ELL2: variants seen among roughly 807,000 people sequenced by gnomAD.
ELL2 encodes the protein RNA polymerase II elongation factor ELL2.
In ELL2, 21 loss-of-function variants were observed where a neutral mutation model predicts 72.8. That is an observed-to-expected ratio of 0.29 (90% confidence interval 0.20 to 0.42). ELL2 has a LOEUF of 0.42. ELL2 is among the 10% of genes least tolerant of loss of function. ELL2 has a pLI of 1.00. For missense variants in ELL2, 568 were observed against 772.8 expected, an observed-to-expected ratio of 0.73 and a Z score of 3.14; for synonymous variants, 266 against 283.2, an observed-to-expected ratio of 0.94 and a Z score of 0.61.
chr5:95,907,296 A>AT lies in ELL2; in HGVS notation c.482-515dup, dbSNP rs1211663802. On this transcript the variant is annotated intron_variant, in intron 4 of 11. Coordinates refer to ENST00000237853, the MANE Select transcript of ELL2 (RefSeq NM_012081.6). ...GTTAGTGATATATATATATATATAT[A>AT]TTTTTTTTTTTTACAGGCCAAGACA... 7.7e-3 allele frequency among the ~76,000 whole-genome samples: 895 copies of AT among 116,490 alleles called. 19 individuals are homozygous for AT. The highest frequency in any genetic ancestry group is 0.027 in the East Asian group (104 of 3,812). The allele number at this position is 116,490 out of a possible 152,430, so 76.4% of individuals were successfully genotyped here. A position where few individuals can be genotyped will look rare whatever the true frequency, so the allele number is the denominator to read the frequency against.
rs751898638 is a variant in ELL2, at chr5:95,942,987, A to G, written c.195+15T>C. ...GAACATTAGATTTGTTTGTTAAATC[A>G]ATAAGAGTACTCACCCCGTGGAGTC... On this transcript the variant is annotated intron_variant, in intron 2 of 11. Coordinates refer to ENST00000237853, the MANE Select transcript of ELL2 (RefSeq NM_012081.6). 1.3e-6 allele frequency: 2 copies of G among 1,567,020 alleles called. No individual in the cohort carries two copies. The highest frequency in any genetic ancestry group is 3.8e-5 in the Admixed American group (2 of 53,284).
intron 8 of ELL2, among the ~76,000 whole-genome samples, chr5:95,896,426 A>C (rs1309460516): frequency 6.6e-6 from 1 of 152,214 alleles, no homozygotes; most frequent in Non-Finnish European, 1.5e-5. Flanking sequence ...TTTATCATTG[A>C]AAGTAGGGTT....
At position 95,888,813 on chromosome 5, in the gene ELL2, T is replaced by C. The variant is rs562499940; in HGVS notation, c.*58A>G. The C allele has an allele frequency of 6.3e-6, 8 of 1,275,178 alleles. No homozygotes were observed. In the South Asian group the frequency reaches 1.1e-4, roughly 18 times the overall value. 79.0% of individuals were successfully genotyped at this position (1,275,178 alleles called of 1,614,324 possible). A position where few individuals can be genotyped will look rare whatever the true frequency, so the allele number is the denominator to read the frequency against. Reference sequence around the variant, plus strand: ...CTTTTTAGAATCTAGAGCAACTCATTTGGAATTTTAAATAAATAAGCTTAA... The same window carrying C: ...CTTTTTAGAATCTAGAGCAACTCATCTGGAATTTTAAATAAATAAGCTTAA... On this transcript the variant is annotated 3_prime_UTR_variant, in exon 12 of 12. Coordinates refer to ENST00000237853, the MANE Select transcript of ELL2 (RefSeq NM_012081.6).
At position 95,912,199 on chromosome 5, in the gene ELL2, AAAAC is replaced by A. The variant is rs573381235; in HGVS notation, c.481+1568_481+1571del. 6.1e-3 allele frequency among the ~76,000 whole-genome samples: 923 copies of A among 152,360 alleles called. 7 individuals carry two copies. Among genetic ancestry groups the A allele is most frequent in the African/African-American group, 0.02 (848 of 41,568 alleles). ...TAAACAAACTGTACTTGACTCTTTG[AAAAC>A]AAACAAAAACACATGAACACAGATG... On this transcript the variant is annotated intron_variant, in intron 4 of 11. Coordinates refer to ENST00000237853, the MANE Select transcript of ELL2 (RefSeq NM_012081.6).
chr5:95,885,640 C>G lies in ELL2; in HGVS notation c.*3231G>C, dbSNP rs1225203718. ...GTCTGAATTGATGGACCACTTTTGT[C>G]TAAAACTAATTTCAACATCTTCCAA... On this transcript the variant is annotated 3_prime_UTR_variant, in exon 12 of 12. Coordinates refer to ENST00000237853, the MANE Select transcript of ELL2 (RefSeq NM_012081.6). 6.6e-6 allele frequency: 1 copy of G among 152,170 alleles called. No homozygotes were observed. Among genetic ancestry groups the G allele is most frequent in the African/African-American group, 2.4e-5 (1 of 41,436 alleles). The allele number at this position is 152,170 out of a possible 1,614,324, so 9.4% of individuals were successfully genotyped here.
intron 3 of ELL2, among the ~76,000 whole-genome samples, chr5:95,917,868 A>T (rs541987942): frequency 6.6e-6 from 1 of 152,232 alleles, no homozygotes; most frequent in South Asian, 2.1e-4. Flanking sequence ...GCTCCTTAAT[A>T]AAATTCCTAA....
chr5:95,901,918 G>A (rs1049946237), intron 5 of ELL2, among the ~76,000 whole-genome samples: 1 of 152,194 alleles, frequency 6.6e-6, no homozygotes, highest in Admixed American at 6.5e-5. Flanking sequence ...GTCTCATCAC[G>A]TTTCTCAGAA....
In ELL2 at chr5:95,961,781, G is replaced by C; in HGVS notation, c.-60C>G. 1 of 1,501,822 alleles carries C rather than the reference G, an allele frequency of 6.7e-7. No homozygotes were observed. The allele number at this position is 1,501,822 out of a possible 1,614,324, so 93.0% of individuals were successfully genotyped here. Reference sequence around the variant, plus strand: ...TCCGGCTCTAGCCTCCACTGCGGCCGCGGCTGCTTGGGCTTCTGCAGCCGC... The same window carrying C: ...TCCGGCTCTAGCCTCCACTGCGGCCCCGGCTGCTTGGGCTTCTGCAGCCGC... On this transcript the variant is annotated 5_prime_UTR_variant, in exon 1 of 12. Coordinates refer to ENST00000237853, the MANE Select transcript of ELL2 (RefSeq NM_012081.6).
rs575649981 is a variant in ELL2, at chr5:95,900,330, TGACA to T, written c.954+359_954+362del. The T allele has an allele frequency of 7.1e-4, 115 of 161,024 alleles. 1 individual carries two copies. Among genetic ancestry groups the T allele is most frequent in the African/African-American group, 2.1e-3 (90 of 41,992 alleles). The allele number at this position is 161,024 out of a possible 1,614,324, so 10.0% of individuals were successfully genotyped here. A position where few individuals can be genotyped will look rare whatever the true frequency, so the allele number is the denominator to read the frequency against. ...CAAAAAATATTCTTCTGGAACATGT[TGACA>T]GACAAAATTAAGTATCTTCAATTTT... On this transcript the variant is annotated intron_variant, in intron 7 of 11. Coordinates refer to ENST00000237853, the MANE Select transcript of ELL2 (RefSeq NM_012081.6).
intron 2 of ELL2, among the ~76,000 whole-genome samples, chr5:95,928,833 T>C (rs1024821754): frequency 6.6e-6 from 1 of 152,210 alleles, no homozygotes; most frequent in African/African-American, 2.4e-5. Flanking sequence ...GGGTCATTTA[T>C]TTCTTCATGA....
intron 9 of ELL2, among the ~76,000 whole-genome samples, chr5:95,891,501 A>G (rs527694164): frequency 2.0e-5 from 3 of 152,372 alleles, no homozygotes; most frequent in Non-Finnish European, 4.4e-5. Context: ...TGGTAAAGAC[A>G]TGGTGGCAAT....
intron 3 of ELL2, among the ~76,000 whole-genome samples, chr5:95,917,102 T>G (rs1174491748): frequency 6.6e-6 from 1 of 152,230 alleles, no homozygotes; most frequent in East Asian, 1.9e-4. Flanking sequence ...AAATGCTCCC[T>G]TAGTCTTTCT....
chr5:95,949,696 A>G lies in ELL2; in HGVS notation c.148-6647T>C, dbSNP rs1580536209. Among the ~76,000 whole-genome samples the G allele has an allele frequency of 2.3e-5, 3 of 131,120 alleles. No homozygotes were observed. In the East Asian group the frequency reaches 7.1e-4, roughly 31 times the overall value. 86.0% of individuals were successfully genotyped at this position (131,120 alleles called of 152,430 possible). ...CTGCATTATAAGCCATGATAAAGAT[A>G]CTGCAAAAAAAAAAAAAAAATTCCA... is the stretch of plus-strand genomic sequence containing the variant. On this transcript the variant is annotated intron_variant, in intron 1 of 11. Coordinates refer to ENST00000237853, the MANE Select transcript of ELL2 (RefSeq NM_012081.6).
chr5:95,952,495 A>T (rs1751454951), intron 1 of ELL2, among the ~76,000 whole-genome samples: 1 of 152,208 alleles, frequency 6.6e-6, no homozygotes, highest in Admixed American at 6.5e-5. Flanking sequence ...CCCTCATGGA[A>T]TCTCATATCA....
rs1748512197 is a variant in ELL2, at chr5:95,887,765, A to G, written c.*1106T>C. On this transcript the variant is annotated 3_prime_UTR_variant, in exon 12 of 12. Coordinates refer to ENST00000237853, the MANE Select transcript of ELL2 (RefSeq NM_012081.6). The stretch of plus-strand genomic sequence containing the variant: ...TTTAAATATACCTCTTATGTAGGTA[A>G]TAGCTTCTTTGCATATCTCTCTTCA... 6.6e-6 allele frequency: 1 copy of G among 152,616 alleles called. No individual in the cohort carries two copies. The highest frequency in any genetic ancestry group is 6.5e-5 in the Admixed American group (1 of 15,278). 9.5% of individuals were successfully genotyped at this position (152,616 alleles called of 1,614,324 possible).
chr5:95,944,647 GC>G (rs1751088089), intron 1 of ELL2, among the ~76,000 whole-genome samples: 1 of 152,192 alleles, frequency 6.6e-6, no homozygotes, highest in African/African-American at 2.4e-5. Context: ...GGCCTAGGTA[GC>G]CCCTCTTCAT....
At chr5:95,936,660 A>G (rs1002087304) in intron 2 of ELL2, among the ~76,000 whole-genome samples, 3 of 152,146 alleles carry the variant, frequency 2.0e-5, no homozygotes, top group African/African-American at 7.2e-5. Flanking sequence ...ATGCGTGCCT[A>G]TAGTCCCAGC....
chr5:95,911,460 C>A (rs1230385360), intron 4 of ELL2, among the ~76,000 whole-genome samples: 1 of 152,108 alleles, frequency 6.6e-6, no homozygotes, highest in Non-Finnish European at 1.5e-5. Flanking sequence ...GCCTCAGCTT[C>A]CCGCTTAGCT....
chr5:95,920,051 T>C (rs1339338474), intron 2 of ELL2, among the ~76,000 whole-genome samples: 1 of 152,122 alleles, frequency 6.6e-6, no homozygotes, highest in Non-Finnish European at 1.5e-5. Flanking sequence ...AGCAGTATTT[T>C]TGAACTTCTT....
Sources: allele counts gnomAD v4.1 joint callset (sites outside exome capture counted in the v4.1 genomes callset), GRCh38; gene constraint gnomAD v4.1.1; transcripts MANE v1.5; gene names NCBI Gene and HGNC (gene_info 2026-07-23, HGNC 2026-07-21).